IP6K1: variants seen among roughly 807,000 people sequenced by gnomAD.
The protein encoded by IP6K1 is ATP:1D-myo-inositol-hexakisphosphate phosphotransferase.
IP6K1 carries 13 observed loss-of-function variants against 38.3 expected under a neutral mutation model. The ratio of observed to expected loss-of-function variants is 0.34; its 90% CI spans 0.22 to 0.54. IP6K1 has a LOEUF of 0.54. IP6K1 is among the 20% of genes least tolerant of loss of function. The pLI is 0.92. For missense variants in IP6K1, 397 were observed against 599.8 expected, an observed-to-expected ratio of 0.66 and a Z score of 3.53; for synonymous variants, 212 against 229.9, an observed-to-expected ratio of 0.92 and a Z score of 0.70.
At chr3:49,764,649 C>T (rs1396180848) in intron 1 of IP6K1, among the ~76,000 whole-genome samples, 2 of 151,868 alleles carry the variant, frequency 1.3e-5, no homozygotes, top group Non-Finnish European at 1.5e-5. Context: ...GAGGCCAAGG[C>T]AAGCAGATCA....
At chr3:49,753,259 C>T (rs991966510) in intron 1 of IP6K1, among the ~76,000 whole-genome samples, 6 of 152,134 alleles carry the variant, frequency 3.9e-5, no homozygotes, top group African/African-American at 1.2e-4. Context: ...CTTCTTTGCA[C>T]TAGTCATTCC....
At chr3:49,730,248 G>A (rs1352786672) in intron 4 of IP6K1, among the ~76,000 whole-genome samples, 1 of 152,060 alleles carries the variant, frequency 6.6e-6, no homozygotes, top group African/African-American at 2.4e-5. Flanking sequence ...TGTTGTCCAG[G>A]CTGGTCTTGA....
intron 1 of IP6K1, among the ~76,000 whole-genome samples, chr3:49,772,894 G>A (rs1177427801): frequency 6.7e-6 from 1 of 148,624 alleles, no homozygotes; most frequent in Non-Finnish European, 1.5e-5. Flanking sequence ...TATGATCACT[G>A]CTCACTGCAG....
At chr3:49,781,228 A>AT (rs2081062558) in intron 1 of IP6K1, among the ~76,000 whole-genome samples, 1 of 151,926 alleles carries the variant, frequency 6.6e-6, no homozygotes, top group Non-Finnish European at 1.5e-5. Flanking sequence ...CGCCTGACTA[A>AT]TTTTTTGTAT....
intron 1 of IP6K1, among the ~76,000 whole-genome samples, chr3:49,771,128 A>C (rs1271359409): frequency 6.6e-6 from 1 of 151,158 alleles, no homozygotes; most frequent in Non-Finnish European, 1.5e-5. Context: ...CTAAAAAAAC[A>C]AAACAAAAAA....
chr3:49,783,928 C>T (rs13083045), intron 1 of IP6K1, among the ~76,000 whole-genome samples: 7 of 152,108 alleles, frequency 4.6e-5, no homozygotes, highest in South Asian at 2.1e-4. Flanking sequence ...AAGCTGCCAG[C>T]GTCCTCTGGG....
intron 1 of IP6K1, among the ~76,000 whole-genome samples, chr3:49,758,955 A>ACC (rs2080846932): frequency 9.0e-6 from 1 of 111,108 alleles, no homozygotes. Context: ...TCAAAAAAAA[A>ACC]AAATACCCAA....
chr3:49,754,459 G>A (rs1371580612), intron 1 of IP6K1, among the ~76,000 whole-genome samples: 8 of 152,134 alleles, frequency 5.3e-5, no homozygotes, highest in Non-Finnish European at 1.0e-4. Context: ...CAAGGTGGAA[G>A]GACTGCTTGA....
chr3:49,783,162 C>T (rs952324653), intron 1 of IP6K1, among the ~76,000 whole-genome samples: 4 of 151,478 alleles, frequency 2.6e-5, no homozygotes, highest in Non-Finnish European at 5.9e-5. Flanking sequence ...TGCCTGTAAT[C>T]CTAGCATTTT....
At chr3:49,772,852 G>T (rs574874786) in intron 1 of IP6K1, among the ~76,000 whole-genome samples, 1 of 146,798 alleles carries the variant, frequency 6.8e-6, no homozygotes, top group South Asian at 2.2e-4. Flanking sequence ...TAAAGACAGA[G>T]TCTCACTCTC....
At chr3:49,751,611 C>A (rs964574308) in intron 1 of IP6K1, among the ~76,000 whole-genome samples, 1 of 152,102 alleles carries the variant, frequency 6.6e-6, no homozygotes, top group African/African-American at 2.4e-5. Flanking sequence ...CTAATAGAGC[C>A]CCAATCTTAT....
intron 1 of IP6K1, among the ~76,000 whole-genome samples, chr3:49,768,473 C>A (rs915160954): frequency 6.6e-6 from 1 of 152,084 alleles, no homozygotes; most frequent in Non-Finnish European, 1.5e-5. Context: ...ATTCCACTTA[C>A]ATAAAATAAA....
rs997907775 is a variant in IP6K1, at chr3:49,747,205, TAG to T, written c.223+611_223+612del. On this transcript the variant is annotated intron_variant, in intron 2 of 5. Transcript: ENST00000321599. ...TAAAGCAGAATGTAAAAAAAAAACT[TAG>T]ACACAATGAGCAATCATAAAAATTT... is the stretch of plus-strand genomic sequence containing the variant. Among the ~76,000 whole-genome samples, 1,378 of 152,198 alleles carry T rather than the reference TAG, an allele frequency of 9.1e-3. 18 individuals carry two copies. Among genetic ancestry groups the T allele is most frequent in the African/African-American group, 0.032 (1,324 of 41,546 alleles).
At chr3:49,760,582 C>T (rs2080859512) in intron 1 of IP6K1, among the ~76,000 whole-genome samples, 1 of 148,096 alleles carries the variant, frequency 6.8e-6, no homozygotes, top group Non-Finnish European at 1.5e-5. Context: ...CGAGATAGTG[C>T]CACTGCACTC....
chr3:49,767,600 C>T (rs905129436), intron 1 of IP6K1, among the ~76,000 whole-genome samples: 4 of 151,588 alleles, frequency 2.6e-5, no homozygotes, highest in Non-Finnish European at 5.9e-5. Context: ...ATAATAATAA[C>T]AACAACTTAA....
At chr3:49,754,332 T>C (rs2080803736) in intron 1 of IP6K1, among the ~76,000 whole-genome samples, 1 of 150,904 alleles carries the variant, frequency 6.6e-6, no homozygotes, top group South Asian at 2.1e-4. Context: ...GCTGAAATCA[T>C]GCCACAGCAC....
At position 49,727,323 on chromosome 3, in the gene IP6K1, G is replaced by A; in HGVS notation, c.1125C>T (p.Ser375=). 2 of 1,614,150 alleles carry A rather than the reference G, an allele frequency of 1.2e-6. No homozygotes were observed. Among genetic ancestry groups the A allele is most frequent in the Non-Finnish European group, 1.7e-6 (2 of 1,180,020 alleles). Residue 375 remains serine (S), a synonymous_variant, in exon 6 of 6, where the codon AGC becomes AGT. Transcript: ENST00000321599. This position sits in a 1 kb window ranked among gnomAD's most constrained non-coding sequence, Gnocchi z 5.9. The stretch of plus-strand genomic sequence containing the variant: ...CGGGGCTGGTGTTGCTGGGGCTGGT[G>A]CTGGGGCCACAGGATGACGCCACCT... The part of the protein sequence containing the change: ...LPEVASSCGP[S]TSPSNTSPEA...
At chr3:49,775,529 T>C in intron 1 of IP6K1, 1 of 1,032,608 alleles carries the variant, frequency 9.7e-7, no homozygotes, top group South Asian at 1.6e-5. Flanking sequence ...AGGATAGAGA[T>C]GGCTGCCCAA....
At chr3:49,734,394 C>CT (rs71735078) in intron 3 of IP6K1, among the ~76,000 whole-genome samples, 1,434 of 87,180 alleles carry the variant, frequency 0.016, 45 homozygotes, top group African/African-American at 0.044. Flanking sequence ...ACCGTAATTT[C>CT]TTTTTTTTTT....
Sources: gnomAD v4.1 joint callset for allele counts (sites outside exome capture counted in the v4.1 genomes callset) on GRCh38, gnomAD v4.1.1 for gene constraint, Gnocchi (gnomAD v3.1) non-coding constraint, MANE v1.5 for transcripts, NCBI Gene and HGNC (gene_info 2026-07-23, HGNC 2026-07-21) for gene names.